CACHD1: variants seen among roughly 807,000 people sequenced by gnomAD.
CACHD1 encodes VWFA and cache domain-containing protein 1.
In CACHD1, 71 loss-of-function variants were observed where a neutral mutation model predicts 138.7. The ratio of observed to expected loss-of-function variants is 0.51; its 90% CI spans 0.42 to 0.62. CACHD1 has a LOEUF of 0.62. CACHD1 is among the 20% of genes least tolerant of loss of function. The pLI is 0.00. For synonymous variants in CACHD1, 578 were observed against 591.5 expected (o/e 0.98, Z 0.33); for missense variants, 1,389 against 1,625.3 (o/e 0.85, Z 2.50).
In CACHD1 at chr1:64,520,736, G is replaced by A. The variant is rs139555079; in HGVS notation, c.199-29858G>A. Among the ~76,000 whole-genome samples the A allele has an allele frequency of 1.1e-3, 165 of 152,274 alleles. 1 individual carries two copies. The highest frequency in any genetic ancestry group is 3.9e-3 in the African/African-American group (162 of 41,558). On this transcript the variant is annotated intron_variant, in intron 1 of 26. Transcript: ENST00000651257. Reference sequence around the variant, plus strand: ...TTAACTTCCACATACTCGGAACCATGTCTTGTCACTGGGTGGGAAAACATA... The same window carrying A: ...TTAACTTCCACATACTCGGAACCATATCTTGTCACTGGGTGGGAAAACATA...
At chr1:64,566,479 T>TCCG (rs1491151032) in intron 2 of CACHD1, among the ~76,000 whole-genome samples, 2 of 120,646 alleles carry the variant, frequency 1.7e-5, no homozygotes, top group Non-Finnish European at 3.6e-5. Flanking sequence ...TGTTTTCAAT[T>TCCG]CCCCCCCCCC....
In CACHD1 at chr1:64,534,906, T is replaced by C. The variant is rs1646619772; in HGVS notation, c.199-15688T>C. On this transcript the variant is annotated intron_variant, in intron 1 of 26. Coordinates refer to ENST00000651257, the MANE Select transcript of CACHD1 (RefSeq NM_020925.4). Reference sequence around the variant, plus strand: ...CCTTGGGAAGCCTAGAGTTGTGGGATTGCAGTTTCACTCTGCTGCATATTG... The same window carrying C: ...CCTTGGGAAGCCTAGAGTTGTGGGACTGCAGTTTCACTCTGCTGCATATTG... 1.3e-5 allele frequency among the ~76,000 whole-genome samples: 2 copies of C among 152,228 alleles called. 1 individual carries two copies. The highest frequency in any genetic ancestry group is 1.3e-4 in the Admixed American group (2 of 15,288).
At chr1:64,666,397 G>C (rs1649634175) in intron 16 of CACHD1, among the ~76,000 whole-genome samples, 2 of 152,138 alleles carry the variant, frequency 1.3e-5, no homozygotes, top group South Asian at 4.1e-4. Flanking sequence ...CATGTAAACT[G>C]AGTCAGTGAA....
At chr1:64,632,180 A>G (rs1251268742) in intron 5 of CACHD1, among the ~76,000 whole-genome samples, 2 of 149,730 alleles carry the variant, frequency 1.3e-5, no homozygotes, top group Non-Finnish European at 3.0e-5. Context: ...ATTTTATATG[A>G]GGATTTTAAC....
intron 4 of CACHD1, among the ~76,000 whole-genome samples, chr1:64,607,799 G>A (rs1197627608): frequency 6.6e-6 from 1 of 152,134 alleles, no homozygotes; most frequent in Admixed American, 6.5e-5. Flanking sequence ...CCTTCTTAGT[G>A]ATTCTGTTTT....
At chr1:64,512,649 C>CT (rs534533424) in intron 1 of CACHD1, among the ~76,000 whole-genome samples, 150 of 152,274 alleles carry the variant, frequency 9.9e-4, no homozygotes, top group African/African-American at 3.4e-3. Context: ...GTACCTTCCT[C>CT]TTTTCTTTCT....
chr1:64,665,055 T>C (rs1490010217), intron 15 of CACHD1, among the ~76,000 whole-genome samples: 2 of 152,112 alleles, frequency 1.3e-5, no homozygotes, highest in Non-Finnish European at 2.9e-5. Flanking sequence ...AACACACAAA[T>C]TCAAAAACAT....
intron 4 of CACHD1, among the ~76,000 whole-genome samples, chr1:64,624,700 G>A (rs1648036747): frequency 6.6e-6 from 1 of 152,268 alleles, no homozygotes; most frequent in South Asian, 2.1e-4. Flanking sequence ...CCTCAGGCAT[G>A]TCAAAAACAA....
chr1:64,580,850 A>G (rs1647006943), intron 2 of CACHD1, among the ~76,000 whole-genome samples: 1 of 152,182 alleles, frequency 6.6e-6, no homozygotes, highest in Non-Finnish European at 1.5e-5. Context: ...GGGTGGCAAA[A>G]CCAACAGTTG....
rs767031689 is a variant in CACHD1 at position 64,629,460 on chromosome 1, G to A, written c.623G>A (p.Gly208Asp). ...VFPAHKFRCK[G>D]SYEHRSRPIY... is the part of the protein sequence containing the mutation. ...CCAGCACACAAGTTCCGGTGTAAGG[G>A]CAGCTACGAACACCGCAGTAGGTAT... Residue 208 changes from glycine to aspartate, a missense_variant, in exon 5 of 27, where the codon GGC becomes GAC. Transcript: ENST00000651257. 4 of 1,614,070 alleles carry A rather than the reference G, an allele frequency of 2.5e-6. No homozygotes were observed. The highest frequency in any genetic ancestry group is 3.4e-6 in the Non-Finnish European group (4 of 1,179,946).
chr1:64,572,917 G>C (rs1308929752), intron 2 of CACHD1, among the ~76,000 whole-genome samples: 1 of 152,166 alleles, frequency 6.6e-6, no homozygotes. Context: ...TGGCCCTACT[G>C]CATCTCCAGG....
intron 13 of CACHD1, 104 bp from the exon 14 acceptor site, chr1:64,663,591 A>T: frequency 1.5e-6 from 2 of 1,354,766 alleles, no homozygotes; most frequent in Non-Finnish European, 2.0e-6. Flanking sequence ...AAAAGACATT[A>T]AGCCACCATA....
intron 4 of CACHD1, among the ~76,000 whole-genome samples, chr1:64,615,895 AT>A (rs1647691571): frequency 6.6e-6 from 1 of 152,146 alleles, no homozygotes; most frequent in South Asian, 2.1e-4. Context: ...CTCATAAACC[AT>A]TTTATACTTT....
At position 64,641,432 on chromosome 1, in the gene CACHD1, A is replaced by G. The variant is rs1005879185; in HGVS notation, c.1007-388A>G. 5.3e-5 allele frequency among the ~76,000 whole-genome samples: 8 copies of G among 152,226 alleles called. No homozygotes were observed. The South Asian group carries it at 1.4e-3, about 28-fold the overall frequency. On this transcript the variant is annotated intron_variant, in intron 7 of 26. Transcript: ENST00000651257. ...CCTGGTCCTCAAGAAACGAGCATTC[A>G]TGGTGATGTTCCTGCATCACAGAGG...
intron 2 of CACHD1, among the ~76,000 whole-genome samples, chr1:64,567,619 A>G (rs1646892751): frequency 6.6e-6 from 1 of 152,180 alleles, no homozygotes; most frequent in African/African-American, 2.4e-5. Context: ...ATTAGGTGAT[A>G]GGATTGGGAT....
chr1:64,545,984 C>T (rs1312081569), intron 1 of CACHD1, among the ~76,000 whole-genome samples: 1 of 152,134 alleles, frequency 6.6e-6, no homozygotes, highest in Non-Finnish European at 1.5e-5. Flanking sequence ...AATCTGTTCA[C>T]TATATAATAA....
At chr1:64,493,194 G>T (rs305560) in intron 1 of CACHD1, among the ~76,000 whole-genome samples, 14,633 of 152,240 alleles carry the variant, frequency 0.096, 856 homozygotes, top group East Asian at 0.16. Flanking sequence ...TTGAGTGAAA[G>T]ATTTTTTATT....
At chr1:64,472,864 C>T (rs896048737) in intron 1 of CACHD1, among the ~76,000 whole-genome samples, 1 of 151,858 alleles carries the variant, frequency 6.6e-6, no homozygotes, top group Non-Finnish European at 1.5e-5. Flanking sequence ...TATCCCGCCC[C>T]CCCACGCCTT....
Position 64,647,825 on chromosome 1 carries a change from T to G in CACHD1, c.1181T>G (p.Leu394Arg). The change falls in exon 9 of 27, where the codon CTG (leucine) becomes CGG (arginine). Residue 394 changes from leucine (L) to arginine (R), a missense_variant. Physicochemically the swap from Leu to Arg is moderately radical, Grantham distance 102 (BLOSUM62 -2). Around this residue, in one of 5 missense-constraint regions of CACHD1, gnomAD observed 1,000 missense variants for 1,114.7 expected, o/e 0.90. Transcript: ENST00000651257. ...GATGGGGTGACTGGTTTGAAAGAGCTGGCTTTTCTGAGGGATCTAGCTGAA... is the reference window on the plus strand; with the variant it reads ...GATGGGGTGACTGGTTTGAAAGAGCGGGCTTTTCTGAGGGATCTAGCTGAA... The part of the protein sequence containing the change: ...MNDGVTGLKE[L>R]AFLRDLAEQN... 6 of 1,614,206 alleles carry G rather than the reference T, an allele frequency of 3.7e-6. No homozygotes were observed. Among genetic ancestry groups the G allele is most frequent in the Non-Finnish European group, 5.1e-6 (6 of 1,180,028 alleles).
Sources: gnomAD v4.1 joint callset for allele counts (sites outside exome capture counted in the v4.1 genomes callset) on GRCh38, gnomAD v4.1.1 for gene constraint, gnomAD v4.1.1 regional missense constraint, MANE v1.5 for transcripts, NCBI Gene and HGNC (gene_info 2026-07-23, HGNC 2026-07-21) for gene names.